The following MATR3 variants were observed in gnomAD, a reference collection of about 807,000 sequenced individuals.
The protein encoded by MATR3 is matrin 3.
MATR3 carries 4 observed loss-of-function variants against 85.5 expected under a neutral mutation model. That is an observed-to-expected ratio of 0.05 (90% CI 0.02 to 0.11). The LOEUF is 0.11. MATR3 is among the 10% of genes least tolerant of loss of function. The pLI, the probability that MATR3 is intolerant of heterozygous loss-of-function variation, is 1.00. For synonymous variants in MATR3, 336 were observed against 343.1 expected (o/e 0.98, Z 0.23); for missense variants, 685 against 1,016.1 (o/e 0.67, Z 4.43).
At chr5:139,284,362 TGA>T (rs1753635940) in intron 3 of MATR3, among the ~76,000 whole-genome samples, 1 of 152,086 alleles carries the variant, frequency 6.6e-6, no homozygotes, top group Non-Finnish European at 1.5e-5. Flanking sequence ...ATCCCAACAC[TGA>T]GAGGCTGAGG....
At chr5:139,323,223 A>G (rs562512161) in intron 12 of MATR3, among the ~76,000 whole-genome samples, 3 of 152,148 alleles carry the variant, frequency 2.0e-5, no homozygotes, top group Non-Finnish European at 4.4e-5. Context: ...CTCAAAATAT[A>G]TGTGCTTCTG....
At chr5:139,313,318 A>T (rs1194012978) in intron 2 of MATR3, 1 of 127,796 alleles carries the variant, frequency 7.8e-6, no homozygotes, top group African/African-American at 2.7e-5. Context: ...AATCAGTGTA[A>T]TAATAGTTCT....
chr5:139,276,142 C>G (rs1561916182), exon 2 of MATR3: 3 of 456,606 alleles, frequency 6.6e-6, no homozygotes, highest in Non-Finnish European at 1.3e-5. Flanking sequence ...GTGGCAGATG[C>G]AACTGCAGGT....
At chr5:139,302,366 ACT>A (rs908981152) in intron 1 of MATR3, among the ~76,000 whole-genome samples, 3 of 152,328 alleles carry the variant, frequency 2.0e-5, no homozygotes, top group East Asian at 1.9e-4. Flanking sequence ...AGTGGCTGAA[ACT>A]CTAGGAAAAA....
chr5:139,325,271 A>C, intron 12 of MATR3, 169 bp from the exon 13 acceptor site: 1 of 1,550,730 alleles, frequency 6.4e-7, no homozygotes, highest in Non-Finnish European at 8.7e-7. Context: ...TAATTGTTGC[A>C]GAGTAAATTT....
intron 3 of MATR3, among the ~76,000 whole-genome samples, chr5:139,288,337 A>G (rs1224170774): frequency 6.6e-6 from 1 of 152,220 alleles, no homozygotes; most frequent in East Asian, 1.9e-4. Flanking sequence ...TCCTCAATAA[A>G]TAATTACTTC....
chr5:139,274,408 C>A lies in MATR3; in HGVS notation c.-287+247C>A, dbSNP rs372887502. On this transcript the variant is annotated intron_variant, in intron 1 of 16. Coordinates refer to ENST00000509990, the Ensembl canonical transcript of MATR3. ...CTCCGAGAGCCTCGATCTCCCAGGG[C>A]CAGAGGCAGGGACTTTGGAAGGTTT... 1.6e-4 allele frequency: 39 copies of A among 250,402 alleles called. 1 individual carries two copies. In the South Asian group the frequency reaches 1.7e-3, roughly 11 times the overall value. The allele number at this position is 250,402 out of a possible 1,614,324, so 15.5% of individuals were successfully genotyped here.
Position 139,329,714 on chromosome 5 carries a change from G to T in MATR3, c.*319G>T, listed in dbSNP as rs1268845820. 2.2e-6 allele frequency: 1 copy of T among 461,318 alleles called. No individual in the cohort carries two copies. 28.6% of individuals were successfully genotyped at this position (461,318 alleles called of 1,614,324 possible). ...GAACCATTTGGAAAAATGAAATTTA[G>T]TAGTTCCAAGTTTCAAAGAAATGTC... On this transcript the variant is annotated 3_prime_UTR_variant, in exon 15 of 15. Coordinates refer to ENST00000394805, the MANE Select transcript of MATR3 (RefSeq NM_018834.6).
chr5:139,324,290 G>GTTTTTTTT (rs767660135), intron 12 of MATR3, among the ~76,000 whole-genome samples: 3 of 107,718 alleles, frequency 2.8e-5, no homozygotes, highest in Non-Finnish European at 5.4e-5. Flanking sequence ...GAGCATGATT[G>GTTTTTTTT]TTTTTTTTTT....
At chr5:139,284,537 G>A (rs1753640280) in intron 3 of MATR3, among the ~76,000 whole-genome samples, 2 of 152,208 alleles carry the variant, frequency 1.3e-5, no homozygotes, top group African/African-American at 4.8e-5. Flanking sequence ...GAACTTGGAA[G>A]GCAGAGGTTG....
intron 4 of MATR3, 67 bp downstream of exon 4, chr5:139,315,805 C>G: frequency 7.9e-7 from 1 of 1,264,080 alleles, no homozygotes; most frequent in Non-Finnish European, 1.2e-6. Context: ...GTTTCACTTT[C>G]AACATTTCAT....
chr5:139,330,770 T>C lies in MATR3; in HGVS notation c.*1375T>C. 1 of 454,110 alleles carries C rather than the reference T, an allele frequency of 2.2e-6. No individual in the cohort carries two copies. The highest frequency in any genetic ancestry group is 1.6e-5 in the South Asian group (1 of 64,478). The allele number at this position is 454,110 out of a possible 1,614,324, so 28.1% of individuals were successfully genotyped here. On this transcript the variant is annotated 3_prime_UTR_variant, in exon 15 of 15. Coordinates refer to ENST00000394805, the MANE Select transcript of MATR3 (RefSeq NM_018834.6). ...TTTCAAAATAATTACGTAGAGACTC[T>C]TGGTATATTGGATTATCTGTTGTAA...
intron 7 of MATR3, among the ~76,000 whole-genome samples, chr5:139,318,411 G>A (rs775089470): frequency 4.1e-4 from 62 of 152,056 alleles, no homozygotes; most frequent in Admixed American, 1.2e-3. Context: ...TGGGATTACA[G>A]GCGTCGGCCA....
chr5:139,291,259 C>T (rs1177604817), upstream of MATR3, among the ~76,000 whole-genome samples: 1 of 152,228 alleles, frequency 6.6e-6, no homozygotes, highest in East Asian at 1.9e-4. Context: ...TTAGCTCAAA[C>T]CTCAGTTTCT....
At chr5:139,289,689 C>A (rs1336300140), upstream of MATR3, among the ~76,000 whole-genome samples, 1 of 152,210 alleles carries the variant, frequency 6.6e-6, no homozygotes, top group African/African-American at 2.4e-5. Context: ...CCTTGTCTTT[C>A]CAACAATTCC....
At chr5:139,325,992 A>G (rs1021552831) in intron 13 of MATR3, among the ~76,000 whole-genome samples, 171 bp from the exon 14 acceptor site, 1 of 152,192 alleles carries the variant, frequency 6.6e-6, no homozygotes, top group South Asian at 2.1e-4. Flanking sequence ...TGAGACCTCA[A>G]ACATCAATTA....
intron 2 of MATR3, chr5:139,278,452 C>G (rs1314625758): frequency 1.8e-5 from 8 of 436,750 alleles, no homozygotes; most frequent in Non-Finnish European, 3.7e-5. Flanking sequence ...CTCCTCTGTG[C>G]CAGGCCTGTG....
At chr5:139,313,820 T>C (rs766977655) in intron 2 of MATR3, 1 of 152,248 alleles carries the variant, frequency 6.6e-6, no homozygotes, top group Non-Finnish European at 1.5e-5. Flanking sequence ...ATGCTAATCA[T>C]GGTGTATTTT....
At chr5:139,299,849 A>G (rs896596623) in intron 1 of MATR3, 10 of 152,178 alleles carry the variant, frequency 6.6e-5, no homozygotes, top group Non-Finnish European at 1.2e-4. Context: ...ATAGAAAGGT[A>G]AGATCTATGG....
Sources: gnomAD v4.1 joint callset for allele counts (sites outside exome capture counted in the v4.1 genomes callset) on GRCh38, gnomAD v4.1.1 for gene constraint, MANE v1.5 for transcripts, NCBI Gene and HGNC (gene_info 2026-07-23, HGNC 2026-07-21) for gene names.